The following TMEM123 variants were observed in gnomAD, a reference collection of about 807,000 sequenced individuals.
TMEM123 encodes the protein transmembrane protein 123, also known as porimin.
TMEM123 carries 16 observed loss-of-function variants against 19.7 expected under a neutral mutation model. The observed-to-expected ratio is 0.81, with a 90% CI of 0.55 to 1.23. The LOEUF (loss-of-function observed/expected upper bound fraction) is 1.23. Ranked by LOEUF, TMEM123 falls within the 50% of genes most tolerant of loss-of-function variation. The pLI, the probability that TMEM123 is intolerant of heterozygous loss-of-function variation, is 0.00. For missense variants in TMEM123, 313 were observed against 257.8 expected (o/e 1.21, Z -1.47); for synonymous variants, 118 against 99.4 (o/e 1.19, Z -1.12).
chr11:102,451,186 A>T (rs1857935277), intron 1 of TMEM123: 2 of 152,278 alleles, frequency 1.3e-5, no homozygotes, highest in Admixed American at 6.5e-5. Flanking sequence ...AAAGAAAGAA[A>T]AGCATGGTCA....
intron 1 of TMEM123, among the ~76,000 whole-genome samples, chr11:102,450,013 T>C (rs2080497366): frequency 6.6e-6 from 1 of 152,130 alleles, no homozygotes; most frequent in African/African-American, 2.4e-5. Flanking sequence ...AATTGTTGCA[T>C]TACCAGCTGC....
chr11:102,430,126 G>A (rs1857680427), intron 2 of TMEM123, among the ~76,000 whole-genome samples: 1 of 152,214 alleles, frequency 6.6e-6, no homozygotes, highest in African/African-American at 2.4e-5. Context: ...AAAGAACAGA[G>A]TTGCCCGGGA....
intron 2 of TMEM123, among the ~76,000 whole-genome samples, chr11:102,431,291 G>C (rs903759817): frequency 6.6e-6 from 1 of 152,188 alleles, no homozygotes; most frequent in Non-Finnish European, 1.5e-5. Context: ...ACAAATTACA[G>C]CTGTATAAAT....
At chr11:102,442,624 G>A in intron 2 of TMEM123, among the ~76,000 whole-genome samples, 1 of 152,158 alleles carries the variant, frequency 6.6e-6, no homozygotes, top group East Asian at 1.9e-4. Flanking sequence ...CATTCCCTCT[G>A]AAAACTGGCA....
intron 2 of TMEM123, among the ~76,000 whole-genome samples, chr11:102,417,953 T>C (rs758806482): frequency 1.3e-5 from 2 of 151,974 alleles, no homozygotes; most frequent in Non-Finnish European, 2.9e-5. Context: ...AGCAGGAGAT[T>C]GAAACTGGAC....
chr11:102,434,804 T>G (rs572806553), intron 2 of TMEM123, among the ~76,000 whole-genome samples: 1 of 151,970 alleles, frequency 6.6e-6, no homozygotes, highest in Non-Finnish European at 1.5e-5. Context: ...TTCTTCTGCA[T>G]GTGGATAACC....
chr11:102,428,908 G>A (rs1952151620), intron 2 of TMEM123, among the ~76,000 whole-genome samples: 1 of 152,178 alleles, frequency 6.6e-6, no homozygotes. Flanking sequence ...TATGTGGCCA[G>A]TAGAATGAAC....
chr11:102,441,376 A>C (rs528572342), intron 2 of TMEM123, among the ~76,000 whole-genome samples: 2 of 152,240 alleles, frequency 1.3e-5, no homozygotes, highest in Non-Finnish European at 2.9e-5. Flanking sequence ...ACTAGAACTT[A>C]GGATTAAGAA....
At chr11:102,403,359 G>T (rs559132332) in intron 2 of TMEM123, among the ~76,000 whole-genome samples, 1 of 152,248 alleles carries the variant, frequency 6.6e-6, no homozygotes, top group African/African-American at 2.4e-5. Flanking sequence ...TCCAGCAAAG[G>T]TTTCCTTCTT....
chr11:102,402,254 A>G (rs768859534), intron 2 of TMEM123, 48 bp from the exon 3 acceptor site: 1 of 1,570,450 alleles, frequency 6.4e-7, no homozygotes, highest in Non-Finnish European at 8.7e-7. Flanking sequence ...GATTTAGGGA[A>G]TAAGATCCCA....
At position 102,398,584 on chromosome 11, in the gene TMEM123, C is replaced by T. The variant is rs1457744327; in HGVS notation, c.*283G>A. On this transcript the variant is annotated 3_prime_UTR_variant, in exon 5 of 5. Coordinates refer to ENST00000398136, the MANE Select transcript of TMEM123 (RefSeq NM_052932.3). ...ATTACTGGTCATATGTGACCAATGCCCCCACCCCAGCCAAAAAAAAAAAGA... is the reference window on the plus strand; with the variant it reads ...ATTACTGGTCATATGTGACCAATGCTCCCACCCCAGCCAAAAAAAAAAAGA... The T allele has an allele frequency of 9.9e-6, 5 of 506,454 alleles. No homozygotes were observed. Among genetic ancestry groups the T allele is most frequent in the Non-Finnish European group, 1.7e-5 (5 of 294,722 alleles). The allele number at this position is 506,454 out of a possible 1,614,324, so 31.4% of individuals were successfully genotyped here. A position where few individuals can be genotyped will look rare whatever the true frequency, so the allele number is the denominator to read the frequency against.
intron 2 of TMEM123, among the ~76,000 whole-genome samples, chr11:102,420,303 G>A (rs1952075738): frequency 1.3e-5 from 2 of 152,074 alleles, no homozygotes; most frequent in South Asian, 2.1e-4. Flanking sequence ...TATTACTAAC[G>A]TGACTAAGAG....
intron 2 of TMEM123, among the ~76,000 whole-genome samples, chr11:102,443,034 A>G (rs1389281198): frequency 6.6e-6 from 1 of 152,244 alleles, no homozygotes. Flanking sequence ...CCACTGCTCA[A>G]CGAAATAAAA....
At chr11:102,399,538 C>G (rs2135839741) in intron 4 of TMEM123, among the ~76,000 whole-genome samples, 1 of 152,320 alleles carries the variant, frequency 6.6e-6, no homozygotes, top group Non-Finnish European at 1.5e-5. Flanking sequence ...CAAACCACCA[C>G]CTTAATATTC....
At chr11:102,403,672 G>C (rs1003401740) in intron 2 of TMEM123, among the ~76,000 whole-genome samples, 6 of 152,158 alleles carry the variant, frequency 3.9e-5, no homozygotes, top group African/African-American at 1.2e-4. Context: ...ATTGAAATTT[G>C]ATCTCCAATG....
chr11:102,439,414 G>T (rs558074858), intron 2 of TMEM123, among the ~76,000 whole-genome samples: 1 of 151,992 alleles, frequency 6.6e-6, no homozygotes, highest in East Asian at 1.9e-4. Context: ...GCCTCTGCTG[G>T]TGATAGCCAG....
chr11:102,448,663 G>C (rs1203928847), intron 2 of TMEM123, 149 bp downstream of exon 2: 2 of 671,360 alleles, frequency 3.0e-6, no homozygotes, highest in South Asian at 3.4e-5. Context: ...TCTACTATAG[G>C]GCACTAGGGC....
At chr11:102,431,341 T>C (rs574579534) in intron 2 of TMEM123, among the ~76,000 whole-genome samples, 1 of 152,236 alleles carries the variant, frequency 6.6e-6, no homozygotes, top group African/African-American at 2.4e-5. Context: ...TGAATACATG[T>C]AGAATAATTT....
intron 2 of TMEM123, among the ~76,000 whole-genome samples, chr11:102,427,866 T>G (rs925928235): frequency 1.3e-5 from 2 of 151,362 alleles, no homozygotes; most frequent in Non-Finnish European, 2.9e-5. Flanking sequence ...TCTACAGAAA[T>G]AGAATGAAAA....
Sources: gnomAD v4.1 joint callset for allele counts (sites outside exome capture counted in the v4.1 genomes callset) on GRCh38, gnomAD v4.1.1 for gene constraint, MANE v1.5 for transcripts, NCBI Gene and HGNC (gene_info 2026-07-23, HGNC 2026-07-21) for gene names.